UPK1B: variants seen among roughly 807,000 people sequenced by gnomAD.
The protein encoded by UPK1B is uroplakin 1B.
Under a neutral mutation model 34.2 loss-of-function variants are expected in UPK1B, and 28 were observed. The observed-to-expected ratio is 0.82, with a 90% CI of 0.61 to 1.12. The LOEUF (loss-of-function observed/expected upper bound fraction) is 1.12. Among genes scored for constraint, UPK1B ranks in the 50% most tolerant of loss-of-function variants. UPK1B has a pLI of 0.00. For missense variants in UPK1B, 325 were observed against 320.9 expected, an observed-to-expected ratio of 1.01 and a Z score of -0.10; for synonymous variants, 81 against 110.4, an observed-to-expected ratio of 0.73 and a Z score of 1.67.
chr3:119,174,798 T>C (rs1195087262), intron 1 of UPK1B, among the ~76,000 whole-genome samples: 3 of 151,964 alleles, frequency 2.0e-5, no homozygotes, highest in Admixed American at 2.0e-4. Flanking sequence ...TTTATTAACC[T>C]TCTCAGTGAG....
In UPK1B at chr3:119,194,301, A is replaced by T; in HGVS notation, c.551A>T (p.Tyr184Phe). The change falls in exon 6 of 8, where the codon TAT (tyrosine) becomes TTT (phenylalanine). Residue 184 changes from tyrosine (Y) to phenylalanine (F), a missense_variant. By Grantham distance (22) the Tyr-to-Phe change is conservative. Coordinates refer to ENST00000264234, the MANE Select transcript of UPK1B (RefSeq NM_006952.4). ...CGGACTGAGAATAATGATGCTGACT[A>T]TCCCTGGCCTCGTCAATGCTGTGTT... ...AFRTENNDAD[Y>F]PWPRQCCVMN... 2 of 1,614,104 alleles carry T rather than the reference A, an allele frequency of 1.2e-6. No individual in the cohort carries two copies. Among genetic ancestry groups the T allele is most frequent in the Non-Finnish European group, 1.7e-6 (2 of 1,179,958 alleles).
intron 1 of UPK1B, among the ~76,000 whole-genome samples, chr3:119,179,505 G>GTTTTTT (rs1293357139): frequency 2.2e-5 from 1 of 45,244 alleles, no homozygotes; most frequent in African/African-American, 7.1e-5. Context: ...TGATGTTGCA[G>GTTTTTT]TCTTTTTTTT....
At chr3:119,184,712 C>G (rs754824122) in intron 1 of UPK1B, among the ~76,000 whole-genome samples, 40 of 152,024 alleles carry the variant, frequency 2.6e-4, no homozygotes, top group Non-Finnish European at 5.3e-4. Context: ...GGCAACAGAG[C>G]AAGACTCTGT....
intron 6 of UPK1B, 90 bp from the exon 7 acceptor site, chr3:119,198,967 A>T: frequency 1.4e-6 from 2 of 1,435,458 alleles, no homozygotes; most frequent in Non-Finnish European, 1.9e-6. Flanking sequence ...TTTGAGTAGC[A>T]TTGATTCCAA....
At chr3:119,175,436 G>T (rs1429462213) in intron 1 of UPK1B, among the ~76,000 whole-genome samples, 1 of 152,164 alleles carries the variant, frequency 6.6e-6, no homozygotes, top group Non-Finnish European at 1.5e-5. Flanking sequence ...CATGCAGGCT[G>T]CCCACAAACT....
At position 119,187,826 on chromosome 3, in the gene UPK1B, C is replaced by A; in HGVS notation, c.121C>A (p.His41Asn). 6.2e-7 allele frequency: 1 copy of A among 1,613,928 alleles called. No individual in the cohort carries two copies. Among genetic ancestry groups the A allele is most frequent in the Non-Finnish European group, 8.5e-7 (1 of 1,179,984 alleles). ...AECIFFVSDQ[H>N]SLYPLLEATD... is the part of the protein sequence containing the mutation. ...GTGCATCTTCTTTGTATCTGACCAACACAGCCTCTACCCACTGCTTGAAGC... is the reference window on the plus strand; with the variant it reads ...GTGCATCTTCTTTGTATCTGACCAAAACAGCCTCTACCCACTGCTTGAAGC... Residue 41 changes from histidine (H) to asparagine (N), a missense_variant, in exon 3 of 8, where the codon CAC becomes AAC. Transcript: ENST00000264234.
intron 1 of UPK1B, among the ~76,000 whole-genome samples, chr3:119,178,502 G>C (rs1057347413): frequency 1.3e-5 from 2 of 152,144 alleles, no homozygotes; most frequent in Non-Finnish European, 2.9e-5. Flanking sequence ...TGGATCTCAA[G>C]ATTGGCTAAG....
intron 5 of UPK1B, among the ~76,000 whole-genome samples, chr3:119,193,259 A>C (rs372977216): frequency 1.1e-4 from 16 of 152,360 alleles, no homozygotes; most frequent in African/African-American, 3.6e-4. Context: ...GCTTAGACTT[A>C]ACCATTTTTC....
Position 119,194,316 on chromosome 3 carries a change from A to G in UPK1B, c.566A>G (p.Gln189Arg). 6.2e-7 allele frequency: 1 copy of G among 1,614,050 alleles called. No individual in the cohort carries two copies. Among genetic ancestry groups the G allele is most frequent in the Non-Finnish European group, 8.5e-7 (1 of 1,179,934 alleles). The stretch of plus-strand genomic sequence containing the variant: ...GATGCTGACTATCCCTGGCCTCGTC[A>G]ATGCTGTGTTATGAACAATCTTAAA... ...NNDADYPWPR[Q>R]CCVMNNLKEP... The change falls in exon 6 of 8, where the codon CAA becomes CGA. Residue 189 changes from glutamine to arginine, a missense_variant. Physicochemically the swap from Gln to Arg is conservative, Grantham distance 43. Transcript: ENST00000264234.
chr3:119,186,855 CATA>C, intron 2 of UPK1B, 45 bp downstream of exon 2: 4 of 1,579,254 alleles, frequency 2.5e-6, no homozygotes, highest in Non-Finnish European at 3.5e-6. Context: ...TTCCTGTAAT[CATA>C]ATTCTAGATG....
In UPK1B at chr3:119,179,370, T is replaced by G. The variant is rs1479098554; in HGVS notation, c.-29+5732T>G. On this transcript the variant is annotated intron_variant, in intron 1 of 7. Coordinates refer to ENST00000264234, the MANE Select transcript of UPK1B (RefSeq NM_006952.4). ...AGAGGGAGATATATATATATATATA[T>G]ATATATATATATATATATATATATA... is the stretch of plus-strand genomic sequence containing the variant. 9.6e-4 allele frequency among the ~76,000 whole-genome samples: 63 copies of G among 65,558 alleles called. 3 individuals are homozygous for G. The highest frequency in any genetic ancestry group is 2.1e-3 in the African/African-American group (39 of 18,980). 43.0% of individuals were successfully genotyped at this position (65,558 alleles called of 152,430 possible).
chr3:119,191,356 G>A lies in UPK1B; in HGVS notation c.468+252G>A, dbSNP rs78129661. On this transcript the variant is annotated intron_variant, in intron 5 of 7. Transcript: ENST00000264234. ...TCGAGTGGTAATTACTGCCTGTTTC[G>A]CCTTTTGGGTACCTCTTCACAACTC... 4.7e-3 allele frequency among the ~76,000 whole-genome samples: 709 copies of A among 152,140 alleles called. 5 individuals carry two copies. Among genetic ancestry groups the A allele is most frequent in the African/African-American group, 0.016 (680 of 41,496 alleles).
At chr3:119,182,199 C>CA (rs1181663073) in intron 1 of UPK1B, among the ~76,000 whole-genome samples, 2 of 152,132 alleles carry the variant, frequency 1.3e-5, no homozygotes, top group African/African-American at 4.8e-5. Context: ...AAAAGAAGTA[C>CA]AAATGGGTAT....
intron 6 of UPK1B, among the ~76,000 whole-genome samples, chr3:119,198,453 T>C (rs1265457706): frequency 2.5e-4 from 38 of 152,346 alleles, no homozygotes. Flanking sequence ...GATTGTGGCA[T>C]GCATGAATGG....
intron 1 of UPK1B, among the ~76,000 whole-genome samples, chr3:119,174,281 C>T (rs994297934): frequency 3.9e-5 from 6 of 152,266 alleles, no homozygotes; most frequent in Non-Finnish European, 8.8e-5. Flanking sequence ...TTTGTTTTTA[C>T]TCCTTACCAA....
intron 6 of UPK1B, among the ~76,000 whole-genome samples, chr3:119,195,378 T>C (rs559872516): frequency 3.7e-4 from 57 of 152,334 alleles, no homozygotes; most frequent in African/African-American, 1.3e-3. Flanking sequence ...TCAGGCTGTT[T>C]TGTTTGGGAG....
intron 6 of UPK1B, among the ~76,000 whole-genome samples, chr3:119,195,981 A>T (rs9867997): frequency 2.4e-5 from 3 of 123,064 alleles, no homozygotes; most frequent in Admixed American, 1.6e-4. Flanking sequence ...ATCTGTTCTA[A>T]CAATTCCACC....
chr3:119,181,319 T>C (rs141381129), intron 1 of UPK1B, among the ~76,000 whole-genome samples: 2 of 152,218 alleles, frequency 1.3e-5, no homozygotes, highest in Non-Finnish European at 2.9e-5. Flanking sequence ...ATCAAAAAAA[T>C]AATAATAATA....
intron 1 of UPK1B, among the ~76,000 whole-genome samples, chr3:119,183,408 C>T (rs1576867228): frequency 6.6e-6 from 1 of 151,898 alleles, no homozygotes; most frequent in African/African-American, 2.4e-5. Flanking sequence ...ATTACAGGCA[C>T]CCGCCACCAT....
Sources: allele counts gnomAD v4.1 joint callset (sites outside exome capture counted in the v4.1 genomes callset), GRCh38; gene constraint gnomAD v4.1.1; transcripts MANE v1.5; gene names NCBI Gene and HGNC (gene_info 2026-07-23, HGNC 2026-07-21).